The following LRMDA variants were observed in gnomAD, a reference collection of about 807,000 sequenced individuals.
LRMDA encodes leucine-rich melanocyte differentiation-associated protein.
A neutral mutation model predicts 29.8 loss-of-function variants in LRMDA; 18 were observed. The ratio of observed to expected loss-of-function variants is 0.60; its 90% confidence interval spans 0.42 to 0.90. LRMDA has a LOEUF of 0.90. LRMDA is among the 40% of genes least tolerant of loss of function. LRMDA has a pLI of 0.00. For missense variants in LRMDA, 273 were observed against 273.9 expected, an observed-to-expected ratio of 1.00 and a Z score of 0.02; for synonymous variants, 125 against 109.4, an observed-to-expected ratio of 1.14 and a Z score of -0.89.
At chr10:75,480,344 G>A in intron 2 of LRMDA, among the ~76,000 whole-genome samples, 1 of 141,052 alleles carries the variant, frequency 7.1e-6, no homozygotes, top group Non-Finnish European at 1.5e-5. Flanking sequence ...TTCAGGCAGA[G>A]GGAACACAAC....
At chr10:76,024,732 G>A (rs758349518) in intron 2 of LRMDA, among the ~76,000 whole-genome samples, 22 of 152,320 alleles carry the variant, frequency 1.4e-4, no homozygotes, top group South Asian at 1.2e-3. Flanking sequence ...AGATCCAGCC[G>A]TGTAAATGTC....
intron 5 of LRMDA, among the ~76,000 whole-genome samples, chr10:76,220,082 A>G (rs1851801971): frequency 6.6e-6 from 1 of 152,258 alleles, no homozygotes; most frequent in African/African-American, 2.4e-5. Context: ...GAACAAAGAC[A>G]CAACATACCA....
chr10:75,894,724 G>A (rs1845554933), intron 2 of LRMDA, among the ~76,000 whole-genome samples: 1 of 152,144 alleles, frequency 6.6e-6, no homozygotes, highest in South Asian at 2.1e-4. Flanking sequence ...AGACTGCTTG[G>A]TACCATGCCC....
At chr10:76,436,015 C>A (rs574063135) in intron 6 of LRMDA, among the ~76,000 whole-genome samples, 116 of 152,270 alleles carry the variant, frequency 7.6e-4, no homozygotes, top group African/African-American at 2.7e-3. Context: ...TACTTTAAAT[C>A]TGTTGCTCCA....
intron 5 of LRMDA, among the ~76,000 whole-genome samples, chr10:76,264,554 C>A (rs1839983655): frequency 6.6e-6 from 1 of 150,728 alleles, no homozygotes; most frequent in African/African-American, 2.4e-5. Flanking sequence ...GTCAGCTTGG[C>A]TGCTTCTCAT....
intron 2 of LRMDA, among the ~76,000 whole-genome samples, chr10:75,766,409 A>G (rs954817900): frequency 2.6e-5 from 4 of 152,138 alleles, no homozygotes; most frequent in Admixed American, 2.6e-4. Flanking sequence ...GAGTGGAAGA[A>G]TAAACCCCCA....
chr10:76,261,944 G>T (rs1161322214), intron 5 of LRMDA, among the ~76,000 whole-genome samples: 3 of 152,058 alleles, frequency 2.0e-5, no homozygotes, highest in Admixed American at 1.3e-4. Flanking sequence ...GAAGAAAATT[G>T]TTGGCAATAA....
intron 2 of LRMDA, among the ~76,000 whole-genome samples, chr10:75,980,209 T>C (rs912086901): frequency 1.3e-5 from 2 of 152,170 alleles, no homozygotes; most frequent in African/African-American, 4.8e-5. Context: ...GAATGTCTCC[T>C]AGGTTATTCT....
At chr10:75,816,497 T>C (rs558694532) in intron 2 of LRMDA, among the ~76,000 whole-genome samples, 5 of 152,208 alleles carry the variant, frequency 3.3e-5, no homozygotes, top group African/African-American at 1.2e-4. Context: ...CAACTGTTTG[T>C]TGCTTCCAAA....
intron 2 of LRMDA, among the ~76,000 whole-genome samples, chr10:75,560,712 A>G (rs1235360742): frequency 1.3e-5 from 2 of 150,412 alleles, no homozygotes; most frequent in Non-Finnish European, 3.0e-5. Context: ...TGTCCCATCA[A>G]TACCTAGTTT....
intron 2 of LRMDA, among the ~76,000 whole-genome samples, chr10:75,494,771 G>A (rs1845026025): frequency 6.6e-6 from 1 of 152,142 alleles, no homozygotes; most frequent in Admixed American, 6.5e-5. Context: ...AGAGTGCTAG[G>A]ATTACAGGCG....
intron 6 of LRMDA, among the ~76,000 whole-genome samples, chr10:76,361,089 C>T (rs886305883): frequency 6.6e-6 from 1 of 151,818 alleles, no homozygotes; most frequent in South Asian, 2.1e-4. Context: ...GGTGAAACCC[C>T]GTCTCTACTG....
chr10:76,507,453 A>G (rs1234533408), intron 6 of LRMDA, among the ~76,000 whole-genome samples: 1 of 151,808 alleles, frequency 6.6e-6, no homozygotes, highest in Non-Finnish European at 1.5e-5. Flanking sequence ...TTTTAGTGTG[A>G]TGTAATCCTA....
At chr10:75,947,877 T>C (rs1846503783) in intron 2 of LRMDA, among the ~76,000 whole-genome samples, 1 of 152,182 alleles carries the variant, frequency 6.6e-6, no homozygotes. Flanking sequence ...TTAGAGCTCG[T>C]TGTTTCAATG....
chr10:76,184,054 G>T (rs1206597100), intron 5 of LRMDA, among the ~76,000 whole-genome samples: 1 of 146,148 alleles, frequency 6.8e-6, no homozygotes, highest in Non-Finnish European at 1.5e-5. Context: ...TTTTGGAGAC[G>T]GAGTCTTACT....
At chr10:76,258,409 G>C (rs1227164741) in intron 5 of LRMDA, among the ~76,000 whole-genome samples, 2 of 152,092 alleles carry the variant, frequency 1.3e-5, no homozygotes, top group African/African-American at 4.8e-5. Flanking sequence ...GATCTGATCA[G>C]TGTAATTAGC....
chr10:75,667,837 C>A, intron 2 of LRMDA, among the ~76,000 whole-genome samples: 1 of 152,170 alleles, frequency 6.6e-6, no homozygotes, highest in East Asian at 1.9e-4. Context: ...GCATGTCTTT[C>A]TGTTCATTCT....
chr10:75,492,986 G>A (rs756356086), intron 2 of LRMDA, among the ~76,000 whole-genome samples: 1 of 152,184 alleles, frequency 6.6e-6, no homozygotes, highest in African/African-American at 2.4e-5. Context: ...GCTTTCCGCT[G>A]CTGTAAAAGG....
intron 2 of LRMDA, among the ~76,000 whole-genome samples, chr10:75,487,314 T>A (rs888533627): frequency 6.6e-6 from 1 of 152,148 alleles, no homozygotes; most frequent in African/African-American, 2.4e-5. Flanking sequence ...TACCAGCAAA[T>A]GGTGAATGAT....
Sources: gnomAD v4.1 joint callset for allele counts (sites outside exome capture counted in the v4.1 genomes callset) on GRCh38, gnomAD v4.1.1 for gene constraint, MANE v1.5 for transcripts, NCBI Gene and HGNC (gene_info 2026-07-23, HGNC 2026-07-21) for gene names.